Variants in ZNF333 observed in about 807,000 individuals in gnomAD.
ZNF333 encodes zinc finger protein 333.
A neutral mutation model predicts 76.1 loss-of-function variants in ZNF333; 61 were observed. The observed-to-expected ratio is 0.80, with a 90% confidence interval of 0.65 to 0.99. ZNF333 has a LOEUF of 0.99. Among genes scored for constraint, ZNF333 ranks in the 50% least tolerant of loss-of-function variants. The probability of loss-of-function intolerance (pLI) is 0.00; values close to 1 mark genes in which losing one functional copy is unlikely to be tolerated. For missense variants in ZNF333, 717 were observed against 822.4 expected, an observed-to-expected ratio of 0.87 and a Z score of 1.57; for synonymous variants, 284 against 305.0, an observed-to-expected ratio of 0.93 and a Z score of 0.72.
downstream of ZNF333, among the ~76,000 whole-genome samples, chr19:14,726,656 T>C (rs2042634467): frequency 6.6e-6 from 1 of 152,218 alleles, no homozygotes; most frequent in Admixed American, 6.5e-5. Context: ...AAGTCATTAC[T>C]ATTAAGTTCA....
intron 10 of ZNF333, 50 bp downstream of exon 10, chr19:14,717,139 T>C (rs2042457551): frequency 6.6e-7 from 1 of 1,509,104 alleles, no homozygotes; most frequent in East Asian, 2.4e-5. Context: ...GTAAGGGGAG[T>C]GTCCAGTTTG....
At chr19:14,714,895 A>ATCTC in intron 7 of ZNF333, 1 of 159,146 alleles carries the variant, frequency 6.3e-6, no homozygotes, top group Admixed American at 6.2e-5. Flanking sequence ...TGCAGTGTAG[A>ATCTC]GGGGCAGAGA....
chr19:14,731,739 T>A (rs1238667231), exon 12 of ZNF333: 2 of 152,412 alleles, frequency 1.3e-5, no homozygotes, highest in East Asian at 3.8e-4. Flanking sequence ...AACTCTTGTT[T>A]ATCTTTGGGT....
rs1168218491 is a variant in ZNF333 at position 14,718,865 on chromosome 19, A to G, written c.1538A>G (p.Lys513Arg). 1 of 1,614,192 alleles carries G rather than the reference A, an allele frequency of 6.2e-7. No individual in the cohort carries two copies. Among genetic ancestry groups the G allele is most frequent in the South Asian group, 1.1e-5 (1 of 91,076 alleles). ...EKPYECNQCG[K>R]PFRTSTHLNV... The stretch of plus-strand genomic sequence containing the variant: ...CCATATGAATGCAACCAGTGTGGCA[A>G]GCCCTTCCGGACGAGCACTCATCTG... The change falls in exon 12 of 12, where the codon AAG (lysine) becomes AGG (arginine). Residue 513 changes from lysine to arginine, a missense_variant. Transcript: ENST00000292530.
chr19:14,733,546 T>C (rs947260741), exon 12 of ZNF333: 2 of 151,142 alleles, frequency 1.3e-5, no homozygotes, highest in African/African-American at 2.4e-5. Flanking sequence ...TGCAGAAAAA[T>C]GTATAAAAGC....
rs141761300 is a variant in ZNF333 at position 14,730,821 on chromosome 19, T to A, written c.901-354T>A. On this transcript the variant is annotated intron_variant, in intron 11 of 11. Transcript: ENST00000540689. ...CTTGCCCTCCTCCCTCCCTCCTCCA[T>A]CTAGTAGTCCCCATTGTCTAATGCT... Among the ~76,000 whole-genome samples the A allele has an allele frequency of 2.0e-3, 296 of 151,776 alleles. 2 individuals carry two copies. Among genetic ancestry groups the A allele is most frequent in the South Asian group, 4.6e-3 (22 of 4,796 alleles).
chr19:14,714,017 C>G (rs2042351887), intron 7 of ZNF333, among the ~76,000 whole-genome samples: 1 of 152,054 alleles, frequency 6.6e-6, no homozygotes, highest in South Asian at 2.1e-4. Context: ...GTGGGATTTC[C>G]CAGCACGGAT....
intron 5 of ZNF333, among the ~76,000 whole-genome samples, chr19:14,700,554 A>G (rs1419312784): frequency 1.3e-5 from 2 of 152,236 alleles, no homozygotes; most frequent in Non-Finnish European, 1.5e-5. Context: ...GTGTGGAAAA[A>G]GCCTTCCATA....
At chr19:14,731,111 C>T (rs2042667599) in intron 11 of ZNF333, 9 of 1,448,570 alleles carry the variant, frequency 6.2e-6, no homozygotes, top group South Asian at 4.9e-5. Context: ...AAGGATTGGC[C>T]CCTTTATTCA....
At chr19:14,693,980 TAAA>T (rs61027794) in intron 2 of ZNF333, among the ~76,000 whole-genome samples, 8,527 of 112,966 alleles carry the variant, frequency 0.075, 376 homozygotes, top group African/African-American at 0.13. Flanking sequence ...ACCTTGTCTC[TAAA>T]AAAAAAAAAA....
At chr19:14,729,255 T>C (rs2042653266) in intron 11 of ZNF333, among the ~76,000 whole-genome samples, 1 of 152,212 alleles carries the variant, frequency 6.6e-6, no homozygotes, top group Non-Finnish European at 1.5e-5. Flanking sequence ...GATAATTCTT[T>C]GCTGTAGGAA....
In ZNF333 at chr19:14,718,196, C is replaced by T. The variant is rs1599753092; in HGVS notation, c.901-32C>T. On this transcript the variant is annotated intron_variant, in intron 11 of 11. Coordinates refer to ENST00000292530, the MANE Select transcript of ZNF333 (RefSeq NM_032433.4). The stretch of plus-strand genomic sequence containing the variant: ...GAGAATATCTGTGAATCTAATAAGG[C>T]CTTTGGTCTTCACATTTTCCTTCAT... 12 of 1,579,434 alleles carry T rather than the reference C, an allele frequency of 7.6e-6. No individual in the cohort carries two copies. The East Asian group carries it at 2.7e-4, about 35-fold the overall frequency.
intron 7 of ZNF333, among the ~76,000 whole-genome samples, chr19:14,712,304 C>T (rs2042300555): frequency 6.6e-6 from 1 of 151,942 alleles, no homozygotes; most frequent in South Asian, 2.1e-4. Context: ...ACTGCAAACT[C>T]CATCTCCTAG....
chr19:14,689,886 G>A (rs921617155), upstream of ZNF333: 3 of 152,118 alleles, frequency 2.0e-5, no homozygotes, highest in Non-Finnish European at 4.4e-5. Context: ...CATGCTCTGT[G>A]GGACCCCACT....
downstream of ZNF333, among the ~76,000 whole-genome samples, chr19:14,722,501 A>C (rs1195536204): frequency 6.6e-6 from 1 of 152,174 alleles, no homozygotes; most frequent in Non-Finnish European, 1.5e-5. Context: ...ATATATTCTG[A>C]ATATTAACCC....
intron 10 of ZNF333, 184 bp downstream of exon 10, chr19:14,717,273 AT>A: frequency 1.8e-6 from 1 of 564,722 alleles, no homozygotes; most frequent in East Asian, 3.0e-5. Flanking sequence ...AAAACTTTGC[AT>A]TCATCTCCTA....
At chr19:14,713,773 C>T (rs1020437998) in intron 7 of ZNF333, among the ~76,000 whole-genome samples, 2 of 151,750 alleles carry the variant, frequency 1.3e-5, no homozygotes, top group Non-Finnish European at 2.9e-5. Context: ...GCCTGGGCAA[C>T]ATAGTGAGAC....
Position 14,721,530 on chromosome 19 carries a change from G to A in ZNF333, c.*2205G>A, listed in dbSNP as rs2042586613. On this transcript the variant is annotated 3_prime_UTR_variant, in exon 12 of 12. Transcript: ENST00000292530. ...GTTCATGTAAATGGAACCATAAACA[G>A]CCCTCTTGTGTCTGTTTTCTTCACT... 1 of 152,070 alleles carries A rather than the reference G, an allele frequency of 6.6e-6. No homozygotes were observed. Among genetic ancestry groups the A allele is most frequent in the Non-Finnish European group, 1.5e-5 (1 of 68,014 alleles). 9.4% of individuals were successfully genotyped at this position (152,070 alleles called of 1,614,324 possible). A position where few individuals can be genotyped will look rare whatever the true frequency, so the allele number is the denominator to read the frequency against.
chr19:14,706,166 G>C (rs1246019138), intron 6 of ZNF333: 3 of 457,376 alleles, frequency 6.6e-6, no homozygotes, highest in Non-Finnish European at 8.8e-6. Context: ...TTCTGCTCCT[G>C]ACAGGCACCT....
Sources: gnomAD v4.1 joint callset for allele counts (sites outside exome capture counted in the v4.1 genomes callset) on GRCh38, gnomAD v4.1.1 for gene constraint, MANE v1.5 for transcripts, NCBI Gene and HGNC (gene_info 2026-07-23, HGNC 2026-07-21) for gene names.